The following RASEF variants were observed in gnomAD, a reference collection of about 807,000 sequenced individuals.
RASEF encodes the protein ras and EF-hand domain-containing protein.
Under a neutral mutation model 90.1 loss-of-function variants are expected in RASEF, and 68 were observed. The ratio of observed to expected loss-of-function variants is 0.75; its 90% CI spans 0.62 to 0.92. RASEF has a LOEUF of 0.92. Ranked by LOEUF, RASEF falls within the 40% of genes least tolerant of loss-of-function variation. The probability of loss-of-function intolerance (pLI) is 0.00; values close to 1 mark genes in which losing one functional copy is unlikely to be tolerated. For missense variants in RASEF, 949 were observed against 937.2 expected (o/e 1.01, Z -0.16); for synonymous variants, 331 against 345.2 (o/e 0.96, Z 0.46).
chr9:83,049,548 T>TTTA (rs1830002591), intron 1 of RASEF, among the ~76,000 whole-genome samples: 1 of 144,670 alleles, frequency 6.9e-6, no homozygotes, highest in South Asian at 2.2e-4. Context: ...TTTTTTTTTT[T>TTTA]TTTTATTATA....
At chr9:83,046,356 G>C (rs1056333038) in intron 1 of RASEF, among the ~76,000 whole-genome samples, 2 of 152,122 alleles carry the variant, frequency 1.3e-5, no homozygotes, top group Non-Finnish European at 2.9e-5. Context: ...TAGAAGTATA[G>C]ATATCGAGTT....
the RASEF span, among the ~76,000 whole-genome samples, chr9:83,134,919 A>G: frequency 2.0e-5 from 3 of 152,196 alleles, no homozygotes; most frequent in African/African-American, 7.2e-5. Flanking sequence ...AAAAGGAATG[A>G]AGTACTGATG....
chr9:83,109,487 C>T, the RASEF span, among the ~76,000 whole-genome samples: 33 of 152,136 alleles, frequency 2.2e-4, no homozygotes, highest in Non-Finnish European at 2.8e-4. Context: ...AGAAAGCACT[C>T]GCAGACGTCA....
chr9:83,146,789 G>C, the RASEF span, among the ~76,000 whole-genome samples: 3 of 152,010 alleles, frequency 2.0e-5, no homozygotes, highest in Non-Finnish European at 4.4e-5. Context: ...ATTATGTTGG[G>C]CTTCTGAAAC....
the RASEF span, among the ~76,000 whole-genome samples, chr9:83,098,505 TTTTA>T: frequency 4.6e-5 from 7 of 152,172 alleles, no homozygotes; most frequent in Non-Finnish European, 8.8e-5. Flanking sequence ...GACAGAAAGA[TTTTA>T]TTTATCTCCC....
At chr9:83,149,747 C>G in the RASEF span, among the ~76,000 whole-genome samples, 1 of 152,198 alleles carries the variant, frequency 6.6e-6, no homozygotes, top group Admixed American at 6.5e-5. Flanking sequence ...CAACAGCCAA[C>G]CGCAGCAGAT....
At chr9:83,095,656 C>T in the RASEF span, among the ~76,000 whole-genome samples, 2 of 151,826 alleles carry the variant, frequency 1.3e-5, no homozygotes, top group African/African-American at 4.8e-5. Context: ...TGTATATATT[C>T]CCCTTACAAA....
chr9:83,181,674 T>C, the RASEF span, among the ~76,000 whole-genome samples: 13 of 152,214 alleles, frequency 8.5e-5, no homozygotes, highest in Admixed American at 7.2e-4. Context: ...GGCATTTCTA[T>C]GTGTTTATTT....
the RASEF span, among the ~76,000 whole-genome samples, chr9:83,137,198 A>C: frequency 6.5e-4 from 99 of 152,244 alleles, no homozygotes; most frequent in Middle Eastern, 3.4e-3. Flanking sequence ...AGTTTTGCCT[A>C]CATATAATTG....
the RASEF span, among the ~76,000 whole-genome samples, chr9:83,138,147 G>A: frequency 6.6e-6 from 1 of 151,942 alleles, no homozygotes; most frequent in African/African-American, 2.4e-5. Context: ...GGTCTAAAAC[G>A]TCCTTGGTAT....
chr9:83,158,235 A>G, the RASEF span, among the ~76,000 whole-genome samples: 6 of 152,280 alleles, frequency 3.9e-5, no homozygotes, highest in East Asian at 1.2e-3. Context: ...GAATTAAAGT[A>G]AAGCTTTTAG....
the RASEF span, among the ~76,000 whole-genome samples, chr9:83,194,560 A>G: frequency 6.6e-6 from 1 of 152,164 alleles, no homozygotes; most frequent in African/African-American, 2.4e-5. Context: ...ATATACTCCA[A>G]TAAGACACTA....
rs1382665627 is a variant in RASEF at position 83,062,493 on chromosome 9, G to A, written c.375C>T (p.Gly125=). 3 of 1,611,436 alleles carry A rather than the reference G, an allele frequency of 1.9e-6. No individual in the cohort carries two copies. In the African/African-American group the frequency reaches 4.0e-5, roughly 22 times the overall value. Residue 125 remains glycine (G), a synonymous_variant, in exon 1 of 17, where the codon GGC becomes GGT. Coordinates refer to ENST00000376447, the MANE Select transcript of RASEF (RefSeq NM_152573.4). ...GCGCCTGGAAATCCTGCCAAGCCCGGCCGGGACTCGCCGGGCCGCACGAGG... is the reference window on the plus strand; with the variant it reads ...GCGCCTGGAAATCCTGCCAAGCCCGACCGGGACTCGCCGGGCCGCACGAGG... ...LATSCGPASP[G]RAWQDFQARL...
chr9:83,210,642 A>G, the RASEF span, among the ~76,000 whole-genome samples: 1 of 152,222 alleles, frequency 6.6e-6, no homozygotes, highest in African/African-American at 2.4e-5. Context: ...CTTAGAAACT[A>G]TCATGTATTG....
chr9:82,990,273 T>C lies in RASEF; in HGVS notation c.2117+118A>G, dbSNP rs544420912. Reference sequence around the variant, plus strand: ...ATCCACATATTTATTTCTCCCACCATGACTGACAGATAAGAGAGTGTTTTC... The same window carrying C: ...ATCCACATATTTATTTCTCCCACCACGACTGACAGATAAGAGAGTGTTTTC... On this transcript the variant is annotated intron_variant, in intron 16 of 16. Coordinates refer to ENST00000376447, the MANE Select transcript of RASEF (RefSeq NM_152573.4). The C allele has an allele frequency of 1.2e-5, 8 of 678,738 alleles. No homozygotes were observed. In the African/African-American group the frequency reaches 1.5e-4, roughly 13 times the overall value. 42.0% of individuals were successfully genotyped at this position (678,738 alleles called of 1,614,324 possible).
the RASEF span, among the ~76,000 whole-genome samples, chr9:83,157,884 A>C: frequency 6.6e-6 from 1 of 152,212 alleles, no homozygotes; most frequent in East Asian, 1.9e-4. Context: ...TGACTACTTG[A>C]AAACCAGAAG....
At chr9:82,986,455 C>T (rs1028277875) in intron 16 of RASEF, among the ~76,000 whole-genome samples, 11 of 152,186 alleles carry the variant, frequency 7.2e-5, no homozygotes, top group Admixed American at 5.9e-4. Context: ...GGGCTATGCA[C>T]GTGTTAAGTG....
At chr9:83,046,101 T>C (rs896363699) in intron 1 of RASEF, among the ~76,000 whole-genome samples, 2 of 152,204 alleles carry the variant, frequency 1.3e-5, no homozygotes, top group Non-Finnish European at 2.9e-5. Context: ...TAACTCTTAT[T>C]TTAAGCTCAG....
chr9:83,041,153 G>A (rs2118640167), intron 1 of RASEF, among the ~76,000 whole-genome samples: 1 of 152,342 alleles, frequency 6.6e-6, no homozygotes. Flanking sequence ...GCGCCACCGT[G>A]CCCGGTGCTC....
Sources: allele counts gnomAD v4.1 joint callset (sites outside exome capture counted in the v4.1 genomes callset), GRCh38; gene constraint gnomAD v4.1.1; transcripts MANE v1.5; gene names NCBI Gene and HGNC (gene_info 2026-07-23, HGNC 2026-07-21).